GULP1: variants seen among roughly 807,000 people sequenced by gnomAD.
GULP1 encodes the protein GULP PTB domain containing engulfment adaptor 1.
A neutral mutation model predicts 40.9 loss-of-function variants in GULP1; 19 were observed. The ratio of observed to expected loss-of-function variants is 0.46; its 90% CI spans 0.32 to 0.68. The LOEUF (loss-of-function observed/expected upper bound fraction) is 0.68. Ranked by LOEUF, GULP1 falls within the 30% of genes least tolerant of loss-of-function variation. The pLI, the probability that GULP1 is intolerant of heterozygous loss-of-function variation, is 0.03. For synonymous variants in GULP1, 119 were observed against 117.6 expected (o/e 1.01, Z -0.08); for missense variants, 312 against 362.2 (o/e 0.86, Z 1.12).
chr2:188,409,104 A>G (rs999476866), intron 2 of GULP1, among the ~76,000 whole-genome samples: 1 of 152,264 alleles, frequency 6.6e-6, no homozygotes, highest in African/African-American at 2.4e-5. Context: ...TTCTAAGCCC[A>G]ACTCAGTAGA....
At chr2:188,446,399 C>T (rs768723919) in intron 2 of GULP1, among the ~76,000 whole-genome samples, 28 of 152,190 alleles carry the variant, frequency 1.8e-4, no homozygotes, top group East Asian at 3.9e-4. Flanking sequence ...TTATGCAAAC[C>T]GCTTTTGGTC....
At chr2:188,576,081 C>A (rs754588381) in intron 9 of GULP1, among the ~76,000 whole-genome samples, 10 of 152,038 alleles carry the variant, frequency 6.6e-5, no homozygotes, top group Non-Finnish European at 4.4e-5. Flanking sequence ...ATGCCATTTT[C>A]TGAAATAGAC....
chr2:188,454,266 CA>C (rs2059076579), intron 2 of GULP1, among the ~76,000 whole-genome samples: 1 of 152,176 alleles, frequency 6.6e-6, no homozygotes, highest in Admixed American at 6.5e-5. Flanking sequence ...AGTGTTCCCC[CA>C]ATCCTGCAGT....
chr2:188,417,689 A>G (rs970845687), intron 2 of GULP1, among the ~76,000 whole-genome samples: 9 of 152,350 alleles, frequency 5.9e-5, no homozygotes, highest in Middle Eastern at 3.4e-3. Context: ...TGAGAATTCA[A>G]AGGATCCTTA....
At chr2:188,335,215 G>A (rs1426665976) in intron 1 of GULP1, among the ~76,000 whole-genome samples, 2 of 152,048 alleles carry the variant, frequency 1.3e-5, no homozygotes, top group Non-Finnish European at 2.9e-5. Context: ...TCTTTTCTGG[G>A]GAAAGCAGAG....
chr2:188,487,276 C>T (rs1220427053), intron 4 of GULP1, among the ~76,000 whole-genome samples: 1 of 151,578 alleles, frequency 6.6e-6, no homozygotes, highest in Non-Finnish European at 1.5e-5. Flanking sequence ...TATAATTATC[C>T]CCCAAAAAGT....
intron 1 of GULP1, among the ~76,000 whole-genome samples, chr2:188,315,742 G>A (rs1029221981): frequency 5.3e-5 from 8 of 151,872 alleles, no homozygotes; most frequent in Non-Finnish European, 7.4e-5. Flanking sequence ...CTATGATAAG[G>A]TTTAATTTAT....
chr2:188,323,659 T>C (rs10931349), intron 1 of GULP1, among the ~76,000 whole-genome samples: 1 of 19,162 alleles, frequency 5.2e-5, no homozygotes, highest in South Asian at 9.6e-4. Flanking sequence ...TATGTGTGTG[T>C]GTGTGTGTGT....
At chr2:188,340,619 G>A (rs2152141337) in intron 1 of GULP1, among the ~76,000 whole-genome samples, 1 of 152,266 alleles carries the variant, frequency 6.6e-6, no homozygotes, top group Admixed American at 6.5e-5. Context: ...AGCTCAGTAG[G>A]CCCTCTGTCT....
intron 7 of GULP1, among the ~76,000 whole-genome samples, chr2:188,566,794 CAAAAAAAAAAA>C (rs11350294): frequency 0.011 from 293 of 26,930 alleles, 3 homozygotes; most frequent in African/African-American, 0.039. Flanking sequence ...GACTCCATCT[CAAAAAAAAAAA>C]AAAAAAAAAA....
chr2:188,443,556 C>CGT (rs2058119386), intron 2 of GULP1, among the ~76,000 whole-genome samples: 1 of 152,102 alleles, frequency 6.6e-6, no homozygotes, highest in Admixed American at 6.5e-5. Context: ...GAGTTTCACT[C>CGT]ATCTAGAACA....
intron 4 of GULP1, among the ~76,000 whole-genome samples, chr2:188,497,871 A>C (rs1205345998): frequency 6.6e-6 from 1 of 151,978 alleles, no homozygotes; most frequent in African/African-American, 2.4e-5. Context: ...ACAGCTCTCT[A>C]GGGTCCTTTG....
intron 7 of GULP1, among the ~76,000 whole-genome samples, chr2:188,553,605 C>A (rs1166136888): frequency 6.6e-6 from 1 of 151,814 alleles, no homozygotes; most frequent in African/African-American, 2.4e-5. Flanking sequence ...GGAATATTGA[C>A]CAGTAGTTTT....
chr2:188,541,010 A>G (rs1019940296), intron 6 of GULP1, among the ~76,000 whole-genome samples, 171 bp from the exon 7 acceptor site: 4 of 152,220 alleles, frequency 2.6e-5, no homozygotes, highest in South Asian at 4.1e-4. Flanking sequence ...CAGGAGGTCT[A>G]TCTGTATCCA....
intron 9 of GULP1, among the ~76,000 whole-genome samples, chr2:188,571,285 A>G (rs1698979690): frequency 1.3e-5 from 2 of 152,226 alleles, no homozygotes; most frequent in Non-Finnish European, 2.9e-5. Flanking sequence ...TCATTTCTTA[A>G]TATCTAATAC....
chr2:188,309,797 TGGGGTTCCTGCTTTTACTATGCAG>T (rs1431025931), intron 1 of GULP1, among the ~76,000 whole-genome samples: 1 of 152,234 alleles, frequency 6.6e-6, no homozygotes, highest in African/African-American at 2.4e-5. Flanking sequence ...TGAAGGCTGC[TGGGGTTCCTGCTTTTACTATGCAG>T]ACTTTCATTC....
intron 4 of GULP1, among the ~76,000 whole-genome samples, chr2:188,502,249 A>G (rs952565623): frequency 9.2e-5 from 14 of 151,998 alleles, no homozygotes; most frequent in Non-Finnish European, 1.5e-4. Flanking sequence ...TGGTTTTCCC[A>G]TAGGCAGTAA....
At chr2:188,437,734 A>G (rs1469814502) in intron 2 of GULP1, among the ~76,000 whole-genome samples, 2 of 152,166 alleles carry the variant, frequency 1.3e-5, no homozygotes, top group Non-Finnish European at 2.9e-5. Context: ...AGCATGGAAT[A>G]CTATACAGCC....
intron 1 of GULP1, among the ~76,000 whole-genome samples, chr2:188,325,200 C>T (rs562833934): frequency 1.3e-5 from 2 of 152,134 alleles, no homozygotes; most frequent in South Asian, 4.1e-4. Context: ...TATACCAAAT[C>T]ATGTTGATAG....
Sources: gnomAD v4.1 joint callset for allele counts (sites outside exome capture counted in the v4.1 genomes callset) on GRCh38, gnomAD v4.1.1 for gene constraint, MANE v1.5 for transcripts, NCBI Gene and HGNC (gene_info 2026-07-23, HGNC 2026-07-21) for gene names.